Variants in GALNT17 observed in about 807,000 individuals in gnomAD.
The protein encoded by GALNT17 is UDP-GalNAc:polypeptide N-acetylgalactosaminyltransferase-like 3.
GALNT17 carries 29 observed loss-of-function variants against 63.7 expected under a neutral mutation model. The ratio of observed to expected loss-of-function variants is 0.46; its 90% confidence interval spans 0.34 to 0.62. The LOEUF is 0.62. GALNT17 is among the 20% of genes least tolerant of loss of function. The pLI, the probability that GALNT17 is intolerant of heterozygous loss-of-function variation, is 0.01. For synonymous variants in GALNT17, 305 were observed against 318.3 expected (o/e 0.96, Z 0.45); for missense variants, 603 against 799.6 (o/e 0.75, Z 2.97).
chr7:71,439,358 A>G (rs1787024550), intron 5 of GALNT17, among the ~76,000 whole-genome samples: 1 of 152,180 alleles, frequency 6.6e-6, no homozygotes, highest in Non-Finnish European at 1.5e-5. Flanking sequence ...ATTTCTTGAC[A>G]TCACCTAGGT....
At chr7:71,211,745 G>T (rs1789381669) in intron 1 of GALNT17, among the ~76,000 whole-genome samples, 1 of 152,178 alleles carries the variant, frequency 6.6e-6, no homozygotes, top group Admixed American at 6.5e-5. Context: ...CTGGAGTAAA[G>T]GTGATTCTTG....
At chr7:71,561,371 C>T (rs367583894) in intron 5 of GALNT17, among the ~76,000 whole-genome samples, 3 of 152,258 alleles carry the variant, frequency 2.0e-5, no homozygotes, top group East Asian at 1.9e-4. Flanking sequence ...GGCGGTACTA[C>T]GAAAACACTC....
chr7:71,554,194 A>T (rs1035791582), intron 5 of GALNT17, among the ~76,000 whole-genome samples: 8 of 152,164 alleles, frequency 5.3e-5, no homozygotes, highest in African/African-American at 1.4e-4. Flanking sequence ...CTTGAATTGT[A>T]CCTCCTGTGT....
intron 1 of GALNT17, among the ~76,000 whole-genome samples, chr7:71,162,152 C>CCTTCCTTCCTTCCTTCCTTCCTTT (rs1788360903): frequency 7.3e-6 from 1 of 137,566 alleles, no homozygotes; most frequent in African/African-American, 2.7e-5. Context: ...TTCCTTCCTT[C>CCTTCCTTCCTTCCTTCCTTCCTTT]CTTCCTTCCT....
intron 8 of GALNT17, 68 bp downstream of exon 8, chr7:71,670,177 G>A (rs983944143): frequency 4.1e-5 from 66 of 1,599,326 alleles, no homozygotes; most frequent in Non-Finnish European, 5.1e-5. Context: ...CTTCGCTGGG[G>A]AGAAATAGAG....
At chr7:71,690,128 G>A (rs771291088) in intron 9 of GALNT17, among the ~76,000 whole-genome samples, 1 of 151,556 alleles carries the variant, frequency 6.6e-6, no homozygotes, top group East Asian at 2.0e-4. Flanking sequence ...GGGTTCAGGC[G>A]AGTCTCCCGC....
intron 1 of GALNT17, among the ~76,000 whole-genome samples, chr7:71,133,562 G>A (rs1787727835): frequency 6.6e-6 from 1 of 152,140 alleles, no homozygotes; most frequent in Admixed American, 6.5e-5. Context: ...TATGAGGCGA[G>A]CTGCTCAGCT....
intron 5 of GALNT17, among the ~76,000 whole-genome samples, chr7:71,433,371 A>T (rs1004824575): frequency 1.3e-5 from 2 of 152,198 alleles, no homozygotes; most frequent in African/African-American, 4.8e-5. Flanking sequence ...GGAGGGATGG[A>T]TAGAGGAGTG....
intron 5 of GALNT17, among the ~76,000 whole-genome samples, chr7:71,427,175 GT>G (rs1786775274): frequency 6.6e-6 from 1 of 150,966 alleles, no homozygotes; most frequent in African/African-American, 2.4e-5. Flanking sequence ...CACCTCCCAG[GT>G]TGAAGCGATT....
intron 5 of GALNT17, among the ~76,000 whole-genome samples, chr7:71,540,974 C>T (rs978068509): frequency 7.2e-5 from 11 of 152,070 alleles, no homozygotes; most frequent in Non-Finnish European, 1.2e-4. Flanking sequence ...CGCGGTGGCT[C>T]ATGCCTGGAA....
At chr7:71,391,632 G>A (rs1030817900) in intron 3 of GALNT17, among the ~76,000 whole-genome samples, 4 of 152,030 alleles carry the variant, frequency 2.6e-5, no homozygotes, top group Admixed American at 6.6e-5. Flanking sequence ...ACAGGCATGT[G>A]CCATCATGCC....
At chr7:71,256,094 C>T (rs1443403977) in intron 1 of GALNT17, among the ~76,000 whole-genome samples, 1 of 151,162 alleles carries the variant, frequency 6.6e-6, no homozygotes, top group Non-Finnish European at 1.5e-5. Flanking sequence ...CTCCACAACT[C>T]CTTATCACAA....
chr7:71,222,056 C>T (rs1017780314), intron 1 of GALNT17, among the ~76,000 whole-genome samples: 8 of 151,788 alleles, frequency 5.3e-5, no homozygotes, highest in Admixed American at 2.6e-4. Flanking sequence ...TACGGGCACC[C>T]GGCACCACGC....
chr7:71,287,464 G>A (rs1046913143), intron 1 of GALNT17, among the ~76,000 whole-genome samples: 3 of 151,748 alleles, frequency 2.0e-5, no homozygotes, highest in East Asian at 1.9e-4. Context: ...CCTCCCTCTC[G>A]TCTCATAGCC....
intron 6 of GALNT17, among the ~76,000 whole-genome samples, chr7:71,634,800 G>A (rs1215262524): frequency 6.6e-6 from 1 of 151,756 alleles, no homozygotes; most frequent in African/African-American, 2.4e-5. Flanking sequence ...GAAATACATT[G>A]GTTTGGTCCA....
In GALNT17 at chr7:71,227,539, T is replaced by C. The variant is rs1789703257; in HGVS notation, c.238+94499T>C. On this transcript the variant is annotated intron_variant, in intron 1 of 10. Transcript: ENST00000333538. ...CACAATTTGGATGCCTAGGGGTTTT[T>C]CATAAGCCATGATTATGTTTTTTTG... is the stretch of plus-strand genomic sequence containing the variant. Among the ~76,000 whole-genome samples, 14 of 152,190 alleles carry C rather than the reference T, an allele frequency of 9.2e-5. 1 individual carries two copies. In the South Asian group the frequency reaches 2.7e-3, roughly 29 times the overall value.
At chr7:71,349,960 A>C (rs1792162135) in intron 2 of GALNT17, among the ~76,000 whole-genome samples, 1 of 152,184 alleles carries the variant, frequency 6.6e-6, no homozygotes, top group Non-Finnish European at 1.5e-5. Flanking sequence ...AGATAATCAG[A>C]AGTTTGAAGA....
chr7:71,167,307 T>C (rs1009859996), intron 1 of GALNT17, among the ~76,000 whole-genome samples: 1 of 152,196 alleles, frequency 6.6e-6, no homozygotes, highest in African/African-American at 2.4e-5. Context: ...ATGTGTGTAG[T>C]GATAGCACTT....
intron 1 of GALNT17, among the ~76,000 whole-genome samples, chr7:71,282,547 T>C (rs1435488609): frequency 6.6e-6 from 1 of 152,196 alleles, no homozygotes; most frequent in Non-Finnish European, 1.5e-5. Context: ...TCTGCCTGTT[T>C]AGACAACCAG....
Sources: gnomAD v4.1 joint callset for allele counts (sites outside exome capture counted in the v4.1 genomes callset) on GRCh38, gnomAD v4.1.1 for gene constraint, MANE v1.5 for transcripts, NCBI Gene and HGNC (gene_info 2026-07-23, HGNC 2026-07-21) for gene names.